The following PIAS2 variants were observed in gnomAD, a reference collection of about 807,000 sequenced individuals.
The protein encoded by PIAS2 is protein inhibitor of activated STAT 2.
In PIAS2, 19 loss-of-function variants were observed where a neutral mutation model predicts 69.7. That is an observed-to-expected ratio of 0.27 (90% CI 0.19 to 0.40). The LOEUF is 0.40. PIAS2 is among the 10% of genes least tolerant of loss of function. The pLI is 1.00. For missense variants in PIAS2, 624 were observed against 757.0 expected (o/e 0.82, Z 2.06); for synonymous variants, 261 against 263.2 (o/e 0.99, Z 0.08).
At chr18:46,902,696 T>A (rs1158551484) in intron 1 of PIAS2, among the ~76,000 whole-genome samples, 1 of 152,234 alleles carries the variant, frequency 6.6e-6, no homozygotes, top group African/African-American at 2.4e-5. Flanking sequence ...CAACAAGATT[T>A]TTGTAGATAT....
At chr18:46,894,231 T>C (rs10853544) in intron 1 of PIAS2, among the ~76,000 whole-genome samples, 80,300 of 152,114 alleles carry the variant, frequency 0.53, 21,441 homozygotes, top group Middle Eastern at 0.56. Context: ...GTTTGGCAAA[T>C]CTTACCAGAT....
intron 10 of PIAS2, among the ~76,000 whole-genome samples, chr18:46,829,306 T>C (rs2043253587): frequency 6.6e-6 from 1 of 152,194 alleles, no homozygotes; most frequent in Admixed American, 6.5e-5. Flanking sequence ...ATTTGTTTAC[T>C]TTCTGAGCAA....
rs188848926 is a variant in PIAS2, at chr18:46,851,241, C to G, written c.726+4104G>C. ...CCAGTACTGCTAAGTCTTCTGGCTG[C>G]ACCAAAGGAACTACTTGGAGATTGC... On this transcript the variant is annotated intron_variant, in intron 5 of 13. Coordinates refer to ENST00000585916, the MANE Select transcript of PIAS2 (RefSeq NM_004671.5). Among the ~76,000 whole-genome samples, 226 of 152,320 alleles carry G rather than the reference C, an allele frequency of 1.5e-3. 1 individual carries two copies. The highest frequency in any genetic ancestry group is 2.8e-3 in the Non-Finnish European group (190 of 68,036).
At chr18:46,858,049 G>A (rs185504311) in intron 3 of PIAS2, among the ~76,000 whole-genome samples, 60 of 152,238 alleles carry the variant, frequency 3.9e-4, no homozygotes, top group African/African-American at 6.7e-4. Flanking sequence ...CACAGGGGAC[G>A]TATGAATTGA....
At chr18:46,879,074 T>A (rs1020680185) in intron 2 of PIAS2, among the ~76,000 whole-genome samples, 3 of 152,210 alleles carry the variant, frequency 2.0e-5, no homozygotes, top group Admixed American at 2.0e-4. Context: ...ACTCTGCATT[T>A]TCTAAGATCC....
intron 8 of PIAS2, among the ~76,000 whole-genome samples, chr18:46,842,844 C>T (rs767956249): frequency 6.6e-6 from 1 of 152,092 alleles, no homozygotes; most frequent in Non-Finnish European, 1.5e-5. Context: ...CTCTTCCCTG[C>T]GTTTGCTAAG....
chr18:46,852,531 T>TA (rs2047119366), intron 5 of PIAS2: 1 of 152,186 alleles, frequency 6.6e-6, no homozygotes, highest in Admixed American at 6.5e-5. Context: ...TGTTCACAAA[T>TA]AGTCTAATAC....
intron 6 of PIAS2, chr18:46,846,356 G>C (rs1022699223): frequency 6.2e-6 from 1 of 162,340 alleles, no homozygotes; most frequent in Admixed American, 6.4e-5. Context: ...CCCCCAAACG[G>C]ATAAAACTTT....
intron 1 of PIAS2, among the ~76,000 whole-genome samples, chr18:46,891,995 C>T (rs544607479): frequency 2.0e-3 from 298 of 152,242 alleles, no homozygotes; most frequent in African/African-American, 7.0e-3. Context: ...GGAAGAACAC[C>T]TGGAGCTGAC....
At chr18:46,913,789 T>A (rs546621218) in intron 1 of PIAS2, among the ~76,000 whole-genome samples, 20 of 152,314 alleles carry the variant, frequency 1.3e-4, no homozygotes, top group African/African-American at 4.6e-4. Context: ...CTCTCCTCCA[T>A]CCCTGTGCTT....
intron 1 of PIAS2, among the ~76,000 whole-genome samples, chr18:46,894,830 G>C (rs1039909253): frequency 2.0e-5 from 3 of 152,040 alleles, no homozygotes; most frequent in African/African-American, 7.2e-5. Flanking sequence ...CAGCACTTTG[G>C]GAGGCTGAGG....
intron 2 of PIAS2, among the ~76,000 whole-genome samples, chr18:46,868,847 G>A (rs1021246409): frequency 3.9e-5 from 6 of 152,252 alleles, no homozygotes; most frequent in East Asian, 3.9e-4. Context: ...GAGGAGATGC[G>A]TCCCCCTGCC....
At chr18:46,869,302 TA>T (rs2057526120) in intron 2 of PIAS2, among the ~76,000 whole-genome samples, 1 of 151,582 alleles carries the variant, frequency 6.6e-6, no homozygotes, top group Non-Finnish European at 1.5e-5. Context: ...AAATATCTAA[TA>T]CGAGGAGGGA....
chr18:46,917,017 T>C (rs867561810), intron 1 of PIAS2: 1 of 987,142 alleles, frequency 1.0e-6, no homozygotes, highest in Non-Finnish European at 1.2e-6. Flanking sequence ...AACCGGGATG[T>C]CGGGTCCCCA....
At chr18:46,859,059 T>C (rs1298968959) in intron 3 of PIAS2, among the ~76,000 whole-genome samples, 5 of 152,164 alleles carry the variant, frequency 3.3e-5, no homozygotes, top group African/African-American at 9.7e-5. Context: ...TACTTAGTAT[T>C]ACTCTAAAGA....
In PIAS2 at chr18:46,821,089, G is replaced by A. The variant is rs146442641; in HGVS notation, c.1509-17C>T. 1.8e-4 allele frequency: 283 copies of A among 1,612,042 alleles called. 1 individual carries two copies. The East Asian group carries it at 4.3e-3, about 25-fold the overall frequency. Reference sequence around the variant, plus strand: ...ATGAGAACCCTGTTTTAAATAGCACGGGAAATTACAAACAATCTGGCTGTT... The same window carrying A: ...ATGAGAACCCTGTTTTAAATAGCACAGGAAATTACAAACAATCTGGCTGTT... On this transcript the variant is annotated splice_polypyrimidine_tract_variant and intron_variant, in intron 11 of 13. Coordinates refer to ENST00000585916, the MANE Select transcript of PIAS2 (RefSeq NM_004671.5).
chr18:46,881,540 G>A (rs1021312285), intron 2 of PIAS2, among the ~76,000 whole-genome samples: 2 of 151,368 alleles, frequency 1.3e-5, no homozygotes, highest in African/African-American at 2.4e-5. Context: ...CCCTTTCTTG[G>A]CATTTCTTCT....
In PIAS2 at chr18:46,854,569, T is replaced by G. The variant is rs55925238; in HGVS notation, c.726+776A>C. The stretch of plus-strand genomic sequence containing the variant: ...CCAATACATAGTCCAGTTCTACATT[T>G]ATTATTTTATTTTATTAAGACTTGA... On this transcript the variant is annotated intron_variant, in intron 5 of 13. Coordinates refer to ENST00000585916, the MANE Select transcript of PIAS2 (RefSeq NM_004671.5). Among the ~76,000 whole-genome samples, 320 of 152,326 alleles carry G rather than the reference T, an allele frequency of 2.1e-3. 2 individuals are homozygous for G. Among genetic ancestry groups the G allele is most frequent in the African/African-American group, 7.3e-3 (303 of 41,572 alleles).
At chr18:46,866,251 C>T (rs2049434292) in intron 2 of PIAS2, among the ~76,000 whole-genome samples, 1 of 152,116 alleles carries the variant, frequency 6.6e-6, no homozygotes, top group Admixed American at 6.5e-5. Flanking sequence ...AAGAAAACTA[C>T]CTAGTCACAT....
Sources: allele counts gnomAD v4.1 joint callset (sites outside exome capture counted in the v4.1 genomes callset), GRCh38; gene constraint gnomAD v4.1.1; transcripts MANE v1.5; gene names NCBI Gene and HGNC (gene_info 2026-07-23, HGNC 2026-07-21).